The following ABI1 variants were observed in gnomAD, a reference collection of about 807,000 sequenced individuals.
The protein encoded by ABI1 is abl interactor 1.
ABI1 carries 14 observed loss-of-function variants against 54.6 expected under a neutral mutation model. The ratio of observed to expected loss-of-function variants is 0.26; its 90% CI spans 0.17 to 0.40. The LOEUF is 0.40. Among genes scored for constraint, ABI1 ranks in the 10% least tolerant of loss-of-function variants. ABI1 has a pLI of 1.00. For missense variants in ABI1, 443 were observed against 598.3 expected (o/e 0.74, Z 2.71); for synonymous variants, 194 against 209.3 (o/e 0.93, Z 0.63).
At chr10:26,759,023 G>C in intron 8 of ABI1, 39 bp downstream of exon 8, 1 of 1,561,712 alleles carries the variant, frequency 6.4e-7, no homozygotes, top group Non-Finnish European at 8.7e-7. Flanking sequence ...TTCAAAAGGA[G>C]CTCCACTGTT....
chr10:26,851,662 T>A (rs921285615), intron 1 of ABI1, among the ~76,000 whole-genome samples: 4 of 152,022 alleles, frequency 2.6e-5, no homozygotes, highest in African/African-American at 9.7e-5. Context: ...AGCATAAGGT[T>A]TACAAAAAGG....
chr10:26,857,036 T>C (rs1302994369), intron 1 of ABI1, among the ~76,000 whole-genome samples: 1 of 152,084 alleles, frequency 6.6e-6, no homozygotes, highest in Non-Finnish European at 1.5e-5. Flanking sequence ...AAAAACACTT[T>C]CAGCCAGGCA....
intron 7 of ABI1, among the ~76,000 whole-genome samples, chr10:26,764,439 C>G (rs1364009077): frequency 6.6e-6 from 1 of 152,046 alleles, no homozygotes; most frequent in Non-Finnish European, 1.5e-5. Flanking sequence ...AGTAAAGTCA[C>G]AAAATAAGCA....
intron 2 of ABI1, among the ~76,000 whole-genome samples, chr10:26,792,004 G>A (rs1465499898): frequency 6.6e-6 from 1 of 152,142 alleles, no homozygotes; most frequent in East Asian, 1.9e-4. Context: ...AGCAAGCCAT[G>A]CTAGACTACA....
intron 2 of ABI1, among the ~76,000 whole-genome samples, chr10:26,796,228 C>T (rs1182536651): frequency 6.6e-6 from 1 of 152,176 alleles, no homozygotes; most frequent in Non-Finnish European, 1.5e-5. Context: ...GTTTAGAGAT[C>T]CATGTACAAC....
intron 7 of ABI1, among the ~76,000 whole-genome samples, chr10:26,762,242 A>T (rs1482395809): frequency 6.6e-6 from 1 of 152,088 alleles, no homozygotes; most frequent in Non-Finnish European, 1.5e-5. Flanking sequence ...CTCCTGGATC[A>T]AGCAATCCGC....
chr10:26,824,487 G>C (rs2048182090), intron 1 of ABI1, among the ~76,000 whole-genome samples: 1 of 152,054 alleles, frequency 6.6e-6, no homozygotes, highest in East Asian at 1.9e-4. Context: ...ATCAATAGGA[G>C]ACTGTTTGAA....
intron 6 of ABI1, among the ~76,000 whole-genome samples, chr10:26,766,270 A>G (rs1297180631): frequency 1.3e-5 from 2 of 152,260 alleles, no homozygotes; most frequent in African/African-American, 4.8e-5. Flanking sequence ...CTGTGGATGT[A>G]CTGTCCTGTT....
At chr10:26,767,270 A>C (rs1588801299) in intron 6 of ABI1, among the ~76,000 whole-genome samples, 1 of 152,298 alleles carries the variant, frequency 6.6e-6, no homozygotes, top group East Asian at 1.9e-4. Flanking sequence ...ATATCAACTT[A>C]ACAATTTGTT....
At chr10:26,795,968 A>G (rs1367131505) in intron 2 of ABI1, among the ~76,000 whole-genome samples, 3 of 152,174 alleles carry the variant, frequency 2.0e-5, no homozygotes, top group Non-Finnish European at 4.4e-5. Flanking sequence ...CTGGTGACAG[A>G]GTGAGACCCA....
In ABI1 at chr10:26,835,582, A is replaced by G. The variant is rs867941266; in HGVS notation, c.118-12277T>C. 1.2e-3 allele frequency among the ~76,000 whole-genome samples: 99 copies of G among 82,996 alleles called. 1 individual carries two copies. The highest frequency in any genetic ancestry group is 6.4e-3 in the African/African-American group (96 of 15,022). 54.4% of individuals were successfully genotyped at this position (82,996 alleles called of 152,430 possible). On this transcript the variant is annotated intron_variant, in intron 1 of 10. Coordinates refer to ENST00000376140, the MANE Select transcript of ABI1 (RefSeq NM_001012750.3). ...AGAGTTAGACCCTGTCTCCAAAGGA[A>G]AAAAAAAAAATTATTCTATACCTAA...
chr10:26,774,245 G>A (rs558187838), intron 3 of ABI1, among the ~76,000 whole-genome samples: 12 of 152,068 alleles, frequency 7.9e-5, no homozygotes, highest in Non-Finnish European at 1.6e-4. Context: ...TATTGTCCTC[G>A]TATTTTTTAC....
chr10:26,828,051 C>T (rs1003629473), intron 1 of ABI1, among the ~76,000 whole-genome samples: 5 of 152,172 alleles, frequency 3.3e-5, no homozygotes, highest in Admixed American at 3.3e-4. Flanking sequence ...CGCTAAGCTC[C>T]CATTAGTAGT....
chr10:26,859,367 G>A (rs1247159312), intron 1 of ABI1, among the ~76,000 whole-genome samples: 1 of 152,186 alleles, frequency 6.6e-6, no homozygotes, highest in African/African-American at 2.4e-5. Flanking sequence ...ATAAAGAGGG[G>A]AAGCATTTGC....
intron 2 of ABI1, among the ~76,000 whole-genome samples, chr10:26,801,191 A>G (rs1276291177): frequency 6.6e-6 from 1 of 152,202 alleles, no homozygotes; most frequent in Non-Finnish European, 1.5e-5. Flanking sequence ...TATCAGTGGT[A>G]ATCACCCGAC....
intron 1 of ABI1, among the ~76,000 whole-genome samples, chr10:26,827,067 C>T (rs1359149716): frequency 6.6e-6 from 1 of 151,938 alleles, no homozygotes; most frequent in East Asian, 1.9e-4. Flanking sequence ...GCACGAGCCA[C>T]CATGCCTGCC....
chr10:26,756,845 T>C (rs1838380543), intron 8 of ABI1, among the ~76,000 whole-genome samples: 1 of 152,150 alleles, frequency 6.6e-6, no homozygotes, highest in Admixed American at 6.5e-5. Flanking sequence ...TAATCCAACA[T>C]GCAAATTCTG....
chr10:26,817,743 A>C (rs1461360858), intron 2 of ABI1, among the ~76,000 whole-genome samples: 2 of 152,202 alleles, frequency 1.3e-5, no homozygotes, highest in Non-Finnish European at 2.9e-5. Context: ...AACAGGGATA[A>C]AAAGCAAAAA....
chr10:26,804,574 C>A (rs1175808406), intron 2 of ABI1, among the ~76,000 whole-genome samples: 2 of 152,006 alleles, frequency 1.3e-5, no homozygotes, highest in Non-Finnish European at 2.9e-5. Flanking sequence ...AGTGGGAACA[C>A]AAGAGAGATT....
Sources: gnomAD v4.1 joint callset for allele counts (sites outside exome capture counted in the v4.1 genomes callset) on GRCh38, gnomAD v4.1.1 for gene constraint, MANE v1.5 for transcripts, NCBI Gene and HGNC (gene_info 2026-07-23, HGNC 2026-07-21) for gene names.